Variants in KIAA0319L observed in about 807,000 individuals in gnomAD.
KIAA0319L encodes KIAA0319 like.
Under a neutral mutation model 120.1 loss-of-function variants are expected in KIAA0319L, and 55 were observed. The ratio of observed to expected loss-of-function variants is 0.46; its 90% CI spans 0.37 to 0.57. KIAA0319L has a LOEUF of 0.57. Among genes scored for constraint, KIAA0319L ranks in the 20% least tolerant of loss-of-function variants. The pLI is 0.00. For synonymous variants in KIAA0319L, 398 were observed against 471.9 expected, an observed-to-expected ratio of 0.84 and a Z score of 2.03; for missense variants, 1,049 against 1,255.3, an observed-to-expected ratio of 0.84 and a Z score of 2.48.
At chr1:35,450,248 G>T in intron 14 of KIAA0319L, 110 bp downstream of exon 14, 1 of 1,235,404 alleles carries the variant, frequency 8.1e-7, no homozygotes, top group Non-Finnish European at 1.1e-6. Flanking sequence ...GGATTTCAGA[G>T]AACAATCTGG....
intron 17 of KIAA0319L, 101 bp from the exon 18 acceptor site, chr1:35,443,129 CTA>C (rs1202573194): frequency 7.0e-7 from 1 of 1,424,938 alleles, no homozygotes; most frequent in Non-Finnish European, 9.7e-7. Flanking sequence ...CAGATTAATG[CTA>C]TGTGGTGAAA....
intron 2 of KIAA0319L, among the ~76,000 whole-genome samples, chr1:35,549,205 C>G (rs565627984): frequency 6.6e-6 from 1 of 152,178 alleles, no homozygotes; most frequent in African/African-American, 2.4e-5. Context: ...TGCCCACCAC[C>G]ACCAGCTAAT....
intron 5 of KIAA0319L, 108 bp downstream of exon 5, chr1:35,474,697 G>T: frequency 3.1e-6 from 2 of 641,838 alleles, no homozygotes; most frequent in East Asian, 2.8e-5. Flanking sequence ...AGACTAAGGT[G>T]GGAGGATCTC....
Position 35,454,458 on chromosome 1 carries a change from A to C in KIAA0319L, c.1684T>G (p.Ser562Ala), listed in dbSNP as rs769396668. 1 of 1,614,140 alleles carries C rather than the reference A, an allele frequency of 6.2e-7. No individual in the cohort carries two copies. Among genetic ancestry groups the C allele is most frequent in the Non-Finnish European group, 8.5e-7 (1 of 1,179,972 alleles). ...QGVRTPTLQL[S>A]AMQEGDYTYQ... is the part of the protein sequence containing the mutation. ...GTGTAGTCTCCTTCTTGCATCGCAG[A>C]GAGCTGTAAGGTTGGTGTTCTAACA... Residue 562 changes from serine to alanine, a missense_variant, in exon 11 of 21, where the codon TCT becomes GCT. By Grantham distance (99) the Ser-to-Ala change is moderately conservative. Coordinates refer to ENST00000325722, the MANE Select transcript of KIAA0319L (RefSeq NM_024874.5).
At chr1:35,514,722 A>T (rs1645610841) in intron 2 of KIAA0319L, among the ~76,000 whole-genome samples, 1 of 152,230 alleles carries the variant, frequency 6.6e-6, no homozygotes, top group African/African-American at 2.4e-5. Context: ...CCAACACAGA[A>T]GCACCCAGAT....
At chr1:35,496,947 CAAAAAAA>C (rs754043280) in intron 3 of KIAA0319L, among the ~76,000 whole-genome samples, 2 of 50,214 alleles carry the variant, frequency 4.0e-5, no homozygotes, top group South Asian at 7.5e-4. Context: ...ATTGTGTCTC[CAAAAAAA>C]AAAAAAAAAA....
chr1:35,536,389 C>T (rs528822454), intron 2 of KIAA0319L, among the ~76,000 whole-genome samples: 1 of 152,386 alleles, frequency 6.6e-6, no homozygotes, highest in Non-Finnish European at 1.5e-5. Flanking sequence ...CATTCGACTT[C>T]ACTCAAAGGT....
Position 35,512,290 on chromosome 1 carries a change from A to T in KIAA0319L, c.143-5155T>A, listed in dbSNP as rs537194414. Among the ~76,000 whole-genome samples, 11 of 148,384 alleles carry T rather than the reference A, an allele frequency of 7.4e-5. No homozygotes were observed. The South Asian group carries it at 8.6e-4, about 12-fold the overall frequency. ...CTCAAAAAAAATAAATAAATAAAAT[A>T]AAATAAAAAGATCTGGAAAAATAAA... On this transcript the variant is annotated intron_variant, in intron 2 of 20. Transcript: ENST00000325722.
intron 10 of KIAA0319L, among the ~76,000 whole-genome samples, chr1:35,455,749 T>C (rs984740020): frequency 3.3e-5 from 5 of 151,794 alleles, no homozygotes; most frequent in African/African-American, 1.2e-4. Context: ...CCCGGCTAAT[T>C]TTTTTATCTT....
intron 2 of KIAA0319L, among the ~76,000 whole-genome samples, chr1:35,540,552 T>C (rs1360602866): frequency 6.6e-6 from 1 of 152,120 alleles, no homozygotes; most frequent in Non-Finnish European, 1.5e-5. Flanking sequence ...AAATAACCAC[T>C]CTAACTGCTT....
chr1:35,434,947 GTACA>G lies in KIAA0319L; in HGVS notation c.3093_3096del (p.Val1032ProfsTer7). ...GCCTTCAGAGGGGTCTGCCCGTTGG[GTACA>G]GAGCCATTCTGACCATGCAGGAGTT... On this transcript the variant is annotated frameshift_variant, in exon 21 of 21. Transcript: ENST00000325722. LOFTEE classifies it high-confidence loss of function. 1 of 1,613,982 alleles carries G rather than the reference GTACA, an allele frequency of 6.2e-7. No individual in the cohort carries two copies. Among genetic ancestry groups the G allele is most frequent in the Non-Finnish European group, 8.5e-7 (1 of 1,180,042 alleles).
At chr1:35,466,087 A>C (rs7517937) in intron 7 of KIAA0319L, among the ~76,000 whole-genome samples, 11,439 of 152,228 alleles carry the variant, frequency 0.075, 1,072 homozygotes, top group East Asian at 0.44. Context: ...CTGAAAATGC[A>C]AAATAAGATT....
chr1:35,508,163 CAG>C (rs1430443319), intron 2 of KIAA0319L, among the ~76,000 whole-genome samples: 1 of 152,212 alleles, frequency 6.6e-6, no homozygotes, highest in Non-Finnish European at 1.5e-5. Flanking sequence ...TGCTCACTTT[CAG>C]AGTCATTCCA....
rs184806340 is a variant in KIAA0319L at position 35,477,493 on chromosome 1, G to C, written c.913+1473C>G. ...CCATCCTGGCTAACACGGTGAAACCGCATCTCTACTAAAAATACAAAAAAT... is the reference window on the plus strand; with the variant it reads ...CCATCCTGGCTAACACGGTGAAACCCCATCTCTACTAAAAATACAAAAAAT... On this transcript the variant is annotated intron_variant, in intron 4 of 20. Transcript: ENST00000325722. Among the ~76,000 whole-genome samples the C allele has an allele frequency of 7.0e-4, 107 of 151,832 alleles. 1 individual carries two copies. The highest frequency in any genetic ancestry group is 4.1e-3 in the East Asian group (21 of 5,138).
At position 35,453,700 on chromosome 1, in the gene KIAA0319L, A is replaced by G; in HGVS notation, c.1781-11T>C. On this transcript the variant is annotated splice_polypyrimidine_tract_variant and intron_variant, in intron 11 of 20. Transcript: ENST00000325722. The surrounding 1 kb of genome is among the most constrained non-coding windows in gnomAD (Gnocchi z 4.1). ...GAGGCTTATTGTTTTCTGGAAGACA[A>G]AGAGTTAGAGGTCAAAAGCAGCCAG... 1 of 1,611,980 alleles carries G rather than the reference A, an allele frequency of 6.2e-7. No homozygotes were observed. The highest frequency in any genetic ancestry group is 8.5e-7 in the Non-Finnish European group (1 of 1,178,856).
chr1:35,454,135 G>A (rs139560067), intron 11 of KIAA0319L: 4 of 503,090 alleles, frequency 8.0e-6, no homozygotes, highest in African/African-American at 5.7e-5. Context: ...CTCTTTGAAG[G>A]TACCAACAAC....
chr1:35,493,350 AT>A (rs1570807785), intron 3 of KIAA0319L, among the ~76,000 whole-genome samples: 1 of 152,042 alleles, frequency 6.6e-6, no homozygotes, highest in African/African-American at 2.4e-5. Context: ...CCCACTAAAC[AT>A]TTTTTTAATG....
intron 3 of KIAA0319L, among the ~76,000 whole-genome samples, chr1:35,504,386 C>T (rs1297408211): frequency 6.6e-6 from 1 of 151,908 alleles, no homozygotes. Flanking sequence ...TTAGTAGAGA[C>T]AAGGTTTCAC....
intron 12 of KIAA0319L, among the ~76,000 whole-genome samples, chr1:35,452,807 C>A (rs1361480642): frequency 6.6e-6 from 1 of 151,928 alleles, no homozygotes; most frequent in Non-Finnish European, 1.5e-5. Context: ...TCTTTTCCAC[C>A]CATCTCCAAT....
Sources: gnomAD v4.1 joint callset for allele counts (sites outside exome capture counted in the v4.1 genomes callset) on GRCh38, gnomAD v4.1.1 for gene constraint, Gnocchi (gnomAD v3.1) non-coding constraint, MANE v1.5 for transcripts, NCBI Gene and HGNC (gene_info 2026-07-23, HGNC 2026-07-21) for gene names.